EZR: variants seen among roughly 807,000 people sequenced by gnomAD.
The protein encoded by EZR is cytovillin 2.
Under a neutral mutation model 74.8 loss-of-function variants are expected in EZR, and 40 were observed. That is an observed-to-expected ratio of 0.53 (90% CI 0.42 to 0.70). The LOEUF is 0.70. EZR is among the 30% of genes least tolerant of loss of function. The pLI is 0.00. For missense variants in EZR, 678 were observed against 755.8 expected (o/e 0.90, Z 1.21); for synonymous variants, 341 against 283.3 (o/e 1.20, Z -2.05).
chr6:158,803,544 T>C (rs1300705500), intron 2 of EZR, among the ~76,000 whole-genome samples: 1 of 3,582 alleles, frequency 2.8e-4, no homozygotes, highest in Non-Finnish European at 8.2e-4. Context: ...TATATATATA[T>C]GTATATATAT....
In EZR at chr6:158,812,254, G is replaced by A. The variant is rs901062023; in HGVS notation, c.12+5828C>T. Among the ~76,000 whole-genome samples, 6 of 152,148 alleles carry A rather than the reference G, an allele frequency of 3.9e-5. No homozygotes were observed. The South Asian group carries it at 6.2e-4, about 16-fold the overall frequency. On this transcript the variant is annotated intron_variant, in intron 2 of 13. Coordinates refer to ENST00000367075, the MANE Select transcript of EZR (RefSeq NM_001111077.2). Reference sequence around the variant, plus strand: ...TGGCATTTCAGCCGGACTGTAAGGCGGCTGGGCATCAAGTGACTGCTTTCA... The same window carrying A: ...TGGCATTTCAGCCGGACTGTAAGGCAGCTGGGCATCAAGTGACTGCTTTCA...
At chr6:158,807,994 C>CT (rs1232933265) in intron 2 of EZR, among the ~76,000 whole-genome samples, 3 of 152,210 alleles carry the variant, frequency 2.0e-5, no homozygotes, top group African/African-American at 4.8e-5. Flanking sequence ...GGTGATAATC[C>CT]TTTAAAAGCC....
intron 2 of EZR, among the ~76,000 whole-genome samples, chr6:158,798,791 G>A (rs1421048139): frequency 1.3e-5 from 2 of 151,978 alleles, no homozygotes; most frequent in Non-Finnish European, 2.9e-5. Flanking sequence ...ACCACAGCCG[G>A]CTAATTTTTC....
rs1554274399 is a variant in EZR, at chr6:158,798,622, C to CTG, written c.13-9252_13-9251insCA. Among the ~76,000 whole-genome samples, 16 of 122,192 alleles carry CTG rather than the reference C, an allele frequency of 1.3e-4. 4 individuals carry two copies. Among genetic ancestry groups the CTG allele is most frequent in the Non-Finnish European group, 1.7e-4 (10 of 60,520 alleles). The allele number at this position is 122,192 out of a possible 152,430, so 80.2% of individuals were successfully genotyped here. ...AAAAGGGACTTAGTTTGCTGCTCCG[C>CTG]TTTTTTTTTTTTTTTTTTTTTTTTT... On this transcript the variant is annotated intron_variant, in intron 2 of 13. Coordinates refer to ENST00000367075, the MANE Select transcript of EZR (RefSeq NM_001111077.2).
intron 2 of EZR, among the ~76,000 whole-genome samples, chr6:158,814,929 TAA>T (rs374700955): frequency 2.0e-5 from 3 of 152,156 alleles, no homozygotes; most frequent in African/African-American, 7.2e-5. Flanking sequence ...GTTTTATGAA[TAA>T]AGTCATCCAC....
intron 10 of EZR, 29 bp downstream of exon 10, chr6:158,770,735 T>C (rs756186576): frequency 6.2e-7 from 1 of 1,613,934 alleles, no homozygotes; most frequent in Non-Finnish European, 8.5e-7. Context: ...CATGACCCAG[T>C]GTAGAGTGCC....
intron 2 of EZR, among the ~76,000 whole-genome samples, chr6:158,812,125 A>G (rs1777462523): frequency 6.6e-6 from 1 of 152,192 alleles, no homozygotes; most frequent in Non-Finnish European, 1.5e-5. Context: ...CTGCCCAAGT[A>G]TAGGTAAGCA....
intron 2 of EZR, among the ~76,000 whole-genome samples, chr6:158,809,337 A>T (rs982323917): frequency 6.6e-6 from 1 of 152,236 alleles, no homozygotes; most frequent in Non-Finnish European, 1.5e-5. Context: ...AGCTCATTTT[A>T]AACTATCAAT....
intron 8 of EZR, among the ~76,000 whole-genome samples, chr6:158,774,222 G>C (rs1791202167): frequency 6.6e-6 from 1 of 152,104 alleles, no homozygotes; most frequent in Non-Finnish European, 1.5e-5. Context: ...GCAGTGCCTC[G>C]AGCAGCCCTG....
rs2128565000 is a variant in EZR at position 158,769,962 on chromosome 6, C to T, written c.1091-18G>A. 1 of 1,606,486 alleles carries T rather than the reference C, an allele frequency of 6.2e-7. No homozygotes were observed. The highest frequency in any genetic ancestry group is 8.5e-7 in the Non-Finnish European group (1 of 1,179,696). ...CGAGAGCTCTGCAAAGACACAAAGC[C>T]AGAGCCATTCAAACCCTCAGCCCAG... On this transcript the variant is annotated intron_variant, in intron 10 of 13. Coordinates refer to ENST00000367075, the MANE Select transcript of EZR (RefSeq NM_001111077.2).
Position 158,804,759 on chromosome 6 carries a change from TTTTC to T in EZR, c.12+13319_12+13322del, listed in dbSNP as rs765611222. Among the ~76,000 whole-genome samples the T allele has an allele frequency of 6.7e-4, 91 of 136,790 alleles. 2 individuals are homozygous for T. The highest frequency in any genetic ancestry group is 2.4e-4 in the Non-Finnish European group (16 of 65,316). 89.7% of individuals were successfully genotyped at this position (136,790 alleles called of 152,430 possible). A position where few individuals can be genotyped will look rare whatever the true frequency, so the allele number is the denominator to read the frequency against. On this transcript the variant is annotated intron_variant, in intron 2 of 13. Coordinates refer to ENST00000367075, the MANE Select transcript of EZR (RefSeq NM_001111077.2). ...CCTGTGAAGAGTTTTTCCTTTCTTT[TTTTC>T]TTATTTTTTTTTATTATACTTTAAG... is the stretch of plus-strand genomic sequence containing the variant.
At chr6:158,813,974 G>A (rs1562509055) in intron 2 of EZR, among the ~76,000 whole-genome samples, 2 of 152,294 alleles carry the variant, frequency 1.3e-5, no homozygotes, top group East Asian at 3.9e-4. Context: ...AAGAAAGCAA[G>A]TGTGGGAGAA....
intron 2 of EZR, 123 bp downstream of exon 2, chr6:158,817,959 T>C (rs1583595274): frequency 2.2e-6 from 2 of 907,002 alleles, no homozygotes; most frequent in East Asian, 2.7e-5. Flanking sequence ...CTCCTATTCC[T>C]ATCGTCTTCT....
intron 2 of EZR, among the ~76,000 whole-genome samples, chr6:158,806,883 C>T (rs143054190): frequency 5.3e-4 from 80 of 152,306 alleles, no homozygotes; most frequent in Non-Finnish European, 9.6e-4. Flanking sequence ...AATTATTTAA[C>T]TGAGGCAATG....
At chr6:158,811,144 C>T (rs1276155507) in intron 2 of EZR, among the ~76,000 whole-genome samples, 1 of 152,196 alleles carries the variant, frequency 6.6e-6, no homozygotes, top group Non-Finnish European at 1.5e-5. Flanking sequence ...TGTCAACAGG[C>T]ATGGATGGTA....
At chr6:158,812,260 G>A (rs1160745281) in intron 2 of EZR, among the ~76,000 whole-genome samples, 1 of 152,204 alleles carries the variant, frequency 6.6e-6, no homozygotes, top group Non-Finnish European at 1.5e-5. Context: ...AGGCGGCTGG[G>A]CATCAAGTGA....
intron 4 of EZR, among the ~76,000 whole-genome samples, chr6:158,785,863 T>C (rs1791566033): frequency 6.6e-6 from 1 of 151,646 alleles, no homozygotes; most frequent in Non-Finnish European, 1.5e-5. Flanking sequence ...CTGGGCAACG[T>C]AGAAGAGATC....
At chr6:158,778,253 C>A (rs1463220882) in intron 7 of EZR, among the ~76,000 whole-genome samples, 2 of 152,110 alleles carry the variant, frequency 1.3e-5, no homozygotes, top group African/African-American at 4.8e-5. Flanking sequence ...GCTGGGATCC[C>A]CTCTCCGGCT....
At chr6:158,776,613 G>T in intron 7 of EZR, 109 bp from the exon 8 acceptor site, 1 of 764,638 alleles carries the variant, frequency 1.3e-6, no homozygotes, top group Non-Finnish European at 2.1e-6. Context: ...ATAATATGAA[G>T]CTAACCCAAG....
Sources: allele counts gnomAD v4.1 joint callset (sites outside exome capture counted in the v4.1 genomes callset), GRCh38; gene constraint gnomAD v4.1.1; transcripts MANE v1.5; gene names NCBI Gene and HGNC (gene_info 2026-07-23, HGNC 2026-07-21).